The following CORO7 variants were observed in gnomAD, a reference collection of about 807,000 sequenced individuals.
The protein encoded by CORO7 is coronin-7.
CORO7 carries 107 observed loss-of-function variants against 126.6 expected under a neutral mutation model. The ratio of observed to expected loss-of-function variants is 0.85; its 90% CI spans 0.72 to 0.99. The LOEUF is 0.99. Among genes scored for constraint, CORO7 ranks in the 50% least tolerant of loss-of-function variants. The pLI, the probability that CORO7 is intolerant of heterozygous loss-of-function variation, is 0.00. For missense variants in CORO7, 1,314 were observed against 1,255.8 expected, an observed-to-expected ratio of 1.05 and a Z score of -0.70; for synonymous variants, 603 against 536.8, an observed-to-expected ratio of 1.12 and a Z score of -1.70.
rs1174295180 is a variant in CORO7 at position 4,361,352 on chromosome 16, C to A, written c.1687+9G>T. 1.2e-6 allele frequency: 2 copies of A among 1,611,548 alleles called. No individual in the cohort carries two copies. Among genetic ancestry groups the A allele is most frequent in the East Asian group, 2.2e-5 (1 of 44,864 alleles). ...CCCTCCCTCAAGCCCAGGCACCCAG[C>A]CTCCTTACCCACAGCGAGGCGATGG... On this transcript the variant is annotated intron_variant, in intron 17 of 27. Coordinates refer to ENST00000251166, the MANE Select transcript of CORO7 (RefSeq NM_024535.5).
rs75925159 is a variant in CORO7 at position 4,379,593 on chromosome 16, G to A, written c.785+8393C>T. 7.2e-5 allele frequency among the ~76,000 whole-genome samples: 11 copies of A among 152,252 alleles called. No homozygotes were observed. The East Asian group carries it at 1.5e-3, about 21-fold the overall frequency. Reference sequence around the variant, plus strand: ...CCTGCTTTCTTCTGTCTGCCCTGACGTGGCTGCTGGGGGGCTACCTGAGGT... The same window carrying A: ...CCTGCTTTCTTCTGTCTGCCCTGACATGGCTGCTGGGGGGCTACCTGAGGT... On this transcript the variant is annotated intron_variant, in intron 9 of 27. Transcript: ENST00000251166.
At chr16:4,375,670 A>G (rs1189114654) in intron 9 of CORO7, among the ~76,000 whole-genome samples, 1 of 152,138 alleles carries the variant, frequency 6.6e-6, no homozygotes, top group Non-Finnish European at 1.5e-5. Context: ...TTGTATTTTT[A>G]GTAGAGACGG....
rs367786074 is a variant in CORO7 at position 4,362,034 on chromosome 16, C to A, written c.1529G>T (p.Arg510Leu). 23 of 1,612,690 alleles carry A rather than the reference C, an allele frequency of 1.4e-5. No homozygotes were observed. The South Asian group carries it at 2.3e-4, about 16-fold the overall frequency. The part of the protein sequence containing the change: ...ESDGFCANKL[R>L]VAVPLLSSGG... ...GCTGCTGAGCAGCGGCACGGCCACA[C>A]GCAGCTTGTTGGCACAGAAGCCGTC... The change falls in exon 16 of 28, where the codon CGT becomes CTT. Residue 510 changes from arginine to leucine, a missense_variant. By Grantham distance (102) the Arg-to-Leu change is moderately radical. Coordinates refer to ENST00000251166, the MANE Select transcript of CORO7 (RefSeq NM_024535.5). This position sits in a 1 kb window ranked among gnomAD's most constrained non-coding sequence, Gnocchi z 5.3.
chr16:4,358,791 T>G lies in CORO7; in HGVS notation c.2341-308A>C, dbSNP rs533609230. The G allele has an allele frequency of 3.9e-5, 14 of 354,524 alleles. No homozygotes were observed. The South Asian group carries it at 1.1e-3, about 28-fold the overall frequency. 22.0% of individuals were successfully genotyped at this position (354,524 alleles called of 1,614,324 possible). On this transcript the variant is annotated intron_variant, in intron 23 of 27. Transcript: ENST00000251166. ...ATCATCCTGCATTTCCTCCATGCACTCCAACACAGAAACATGTGACCTCAG... is the reference window on the plus strand; with the variant it reads ...ATCATCCTGCATTTCCTCCATGCACGCCAACACAGAAACATGTGACCTCAG...
chr16:4,370,817 C>CG (rs1291374009), intron 9 of CORO7, among the ~76,000 whole-genome samples: 1 of 39,408 alleles, frequency 2.5e-5, no homozygotes, highest in African/African-American at 3.4e-5. Flanking sequence ...AGCCTTCAGG[C>CG]CCCCCAAAGA....
chr16:4,415,317 T>C (rs1655106821), intron 1 of CORO7, among the ~76,000 whole-genome samples: 1 of 152,160 alleles, frequency 6.6e-6, no homozygotes, highest in South Asian at 2.1e-4. Flanking sequence ...TCCACCAGGC[T>C]CTTTCTCAAT....
At chr16:4,358,235 T>G (rs1357453052) in intron 24 of CORO7, 132 bp from the exon 25 acceptor site, 1 of 1,529,688 alleles carries the variant, frequency 6.5e-7, no homozygotes, top group East Asian at 2.3e-5. Context: ...TTTCAGCATC[T>G]CAGCAGAAGG....
intron 6 of CORO7, among the ~76,000 whole-genome samples, chr16:4,403,432 T>A (rs2055885551): frequency 6.6e-6 from 1 of 151,962 alleles, no homozygotes; most frequent in African/African-American, 2.4e-5. Flanking sequence ...CAATGCTGCG[T>A]CCCCGCAGGC....
chr16:4,365,090 G>A, intron 10 of CORO7, 30 bp from the exon 11 acceptor site: 2 of 1,576,340 alleles, frequency 1.3e-6, no homozygotes, highest in African/African-American at 2.7e-5. Context: ...AGCCCCGTTT[G>A]CTGACTGAAC....
At position 4,355,310 on chromosome 16, in the gene CORO7, A is replaced by C. The variant is rs2053940649; in HGVS notation, c.2748T>G (p.Phe916Leu). Residue 916 changes from phenylalanine to leucine, a missense_variant, in exon 27 of 28, where the codon TTT (phenylalanine) becomes TTG (leucine). Phe to Leu is a conservative substitution (Grantham distance 22, BLOSUM62 0). Transcript: ENST00000251166. ...CCCACTCGTCCTCGTCCACGCCTTC[A>C]AAGGAGTCCTGGGGGAGTGGGTCCT... is the stretch of plus-strand genomic sequence containing the variant. ...NREDPLPQDS[F>L]EGVDEDEWD 3.1e-6 allele frequency: 5 copies of C among 1,613,440 alleles called. No homozygotes were observed. The highest frequency in any genetic ancestry group is 4.2e-6 in the Non-Finnish European group (5 of 1,179,948).
chr16:4,371,450 G>A (rs1350236255), intron 9 of CORO7, among the ~76,000 whole-genome samples: 1 of 152,210 alleles, frequency 6.6e-6, no homozygotes, highest in East Asian at 1.9e-4. Context: ...GGCCCGGGCT[G>A]GTCATGAGGA....
At chr16:4,390,413 C>T (rs2055346557) in intron 7 of CORO7, among the ~76,000 whole-genome samples, 2 of 152,156 alleles carry the variant, frequency 1.3e-5, no homozygotes, top group African/African-American at 4.8e-5. Context: ...GTCAAGTGTG[C>T]ATGTCTCACA....
At chr16:4,413,531 TTTTA>T (rs2056292934) in intron 1 of CORO7, 127 bp from the exon 2 acceptor site, 1 of 807,696 alleles carries the variant, frequency 1.2e-6, no homozygotes, top group South Asian at 2.0e-5. Context: ...AGATGCATTC[TTTTA>T]TTTACTTTTT....
chr16:4,412,157 C>T (rs1344487325), intron 3 of CORO7, among the ~76,000 whole-genome samples, 199 bp downstream of exon 3: 1 of 152,048 alleles, frequency 6.6e-6, no homozygotes. Flanking sequence ...ACACAGCTTC[C>T]CTCCTCACTG....
intron 9 of CORO7, chr16:4,383,424 CTGGGAAGATGTTTT>C (rs2055076674): frequency 6.0e-6 from 1 of 167,244 alleles, no homozygotes; most frequent in African/African-American, 2.4e-5. Context: ...CCCATTTATT[CTGGGAAGATGTTTT>C]TCAAACTCAG....
At chr16:4,369,568 C>T (rs1431896235) in intron 9 of CORO7, among the ~76,000 whole-genome samples, 2 of 152,236 alleles carry the variant, frequency 1.3e-5, no homozygotes, top group Non-Finnish European at 2.9e-5. Context: ...TCAGTACCAA[C>T]TGGGAGGCAC....
At chr16:4,395,224 A>G (rs1209947445) in intron 7 of CORO7, 65 bp downstream of exon 7, 2 of 1,611,050 alleles carry the variant, frequency 1.2e-6, no homozygotes, top group East Asian at 2.2e-5. Context: ...TCCACCTGCT[A>G]GAACCACTGG....
At chr16:4,400,182 G>A (rs1426555265) in intron 6 of CORO7, among the ~76,000 whole-genome samples, 1 of 152,194 alleles carries the variant, frequency 6.6e-6, no homozygotes, top group Non-Finnish European at 1.5e-5. Flanking sequence ...GACCCCTCAT[G>A]TAAACTGTGA....
intron 9 of CORO7, among the ~76,000 whole-genome samples, chr16:4,378,365 G>A (rs2054826035): frequency 6.6e-6 from 1 of 151,782 alleles, no homozygotes; most frequent in Non-Finnish European, 1.5e-5. Context: ...GGCTGGCCAC[G>A]TGGAGGATCC....
Sources: allele counts gnomAD v4.1 joint callset (sites outside exome capture counted in the v4.1 genomes callset), GRCh38; gene constraint gnomAD v4.1.1; non-coding constraint Gnocchi (gnomAD v3.1); transcripts MANE v1.5; gene names NCBI Gene and HGNC (gene_info 2026-07-23, HGNC 2026-07-21).